The following NDUFA11 variants were observed in gnomAD, a reference collection of about 807,000 sequenced individuals.
The protein encoded by NDUFA11 is NADH:ubiquinone oxidoreductase subunit A11.
In NDUFA11, 14 loss-of-function variants were observed where a neutral mutation model predicts 11.3. The observed-to-expected ratio is 1.24, with a 90% CI of 0.82 to 1.94. The LOEUF (loss-of-function observed/expected upper bound fraction) is 1.94. Ranked by LOEUF, NDUFA11 falls within the 30% of genes most tolerant of loss-of-function variation. NDUFA11 has a pLI of 0.00. For missense variants in NDUFA11, 204 were observed against 200.3 expected, an observed-to-expected ratio of 1.02 and a Z score of -0.11; for synonymous variants, 87 against 85.6, an observed-to-expected ratio of 1.02 and a Z score of -0.09.
intron 1 of NDUFA11, chr19:5,901,604 G>C: frequency 2.4e-6 from 1 of 412,722 alleles, no homozygotes; most frequent in South Asian, 2.2e-5. Context: ...TGGAAATACA[G>C]AGTTGACCAA....
chr19:5,903,010 CAAAAAA>C (rs545310981), intron 1 of NDUFA11, among the ~76,000 whole-genome samples: 3 of 103,986 alleles, frequency 2.9e-5, no homozygotes, highest in Admixed American at 2.0e-4. Flanking sequence ...GGCTCTGTCT[CAAAAAA>C]AAAAAAAAAA....
At chr19:5,901,599 A>G (rs922088196) in intron 1 of NDUFA11, 5 of 454,516 alleles carry the variant, frequency 1.1e-5, no homozygotes, top group Non-Finnish European at 1.9e-5. Flanking sequence ...TATGCTGGAA[A>G]TACAGAGTTG....
chr19:5,897,560 C>T (rs1273122224), intron 1 of NDUFA11, among the ~76,000 whole-genome samples: 2 of 152,152 alleles, frequency 1.3e-5, no homozygotes, highest in East Asian at 3.9e-4. Flanking sequence ...TTGCCACTCT[C>T]GACCCCCTCC....
At chr19:5,898,300 G>A (rs2057623159) in intron 1 of NDUFA11, among the ~76,000 whole-genome samples, 1 of 152,166 alleles carries the variant, frequency 6.6e-6, no homozygotes. Context: ...GACATGCCAG[G>A]CCTGGCAGTG....
chr19:5,896,579 C>A lies in NDUFA11; in HGVS notation c.191-4G>T. On this transcript the variant is annotated splice_polypyrimidine_tract_variant and splice_region_variant and intron_variant, in intron 2 of 3. Coordinates refer to ENST00000308961, the MANE Select transcript of NDUFA11 (RefSeq NM_175614.5). The surrounding 1 kb of genome is among the most constrained non-coding windows in gnomAD (Gnocchi z 5.8). Reference sequence around the variant, plus strand: ...CCAAACACGGCCCCGACAGCAGCTGCGGGGTAGACGGGAAGAGCAAGGGCC... The same window carrying A: ...CCAAACACGGCCCCGACAGCAGCTGAGGGGTAGACGGGAAGAGCAAGGGCC... 1 of 1,562,082 alleles carries A rather than the reference C, an allele frequency of 6.4e-7. No homozygotes were observed. The highest frequency in any genetic ancestry group is 1.2e-5 in the South Asian group (1 of 84,852).
intron 1 of NDUFA11, chr19:5,902,618 C>G (rs2057652809): frequency 6.6e-6 from 1 of 152,374 alleles, no homozygotes; most frequent in Non-Finnish European, 1.5e-5. Context: ...CCATCTGGGA[C>G]CTGATGAGTC....
intron 1 of NDUFA11, among the ~76,000 whole-genome samples, 174 bp downstream of exon 1, chr19:5,903,437 CT>C (rs1328540759): frequency 1.3e-5 from 2 of 151,930 alleles, no homozygotes; most frequent in African/African-American, 2.4e-5. Context: ...GCTGGACCCC[CT>C]ACCAACATCC....
At chr19:5,893,524 C>T (rs1261508512), downstream of NDUFA11, among the ~76,000 whole-genome samples, 1 of 152,080 alleles carries the variant, frequency 6.6e-6, no homozygotes, top group East Asian at 1.9e-4. This position sits in a 1 kb window ranked among gnomAD's most constrained non-coding sequence, Gnocchi z 4.1. Context: ...TGGTTCCAAG[C>T]TCCTGGCCTC....
rs746966235 is a variant in NDUFA11, at chr19:5,897,043, G to A, written c.98-46C>T. 5.9e-6 allele frequency: 9 copies of A among 1,525,144 alleles called. No individual in the cohort carries two copies. The East Asian group carries it at 1.6e-4, about 27-fold the overall frequency. 94.5% of individuals were successfully genotyped at this position (1,525,144 alleles called of 1,614,324 possible). A position where few individuals can be genotyped will look rare whatever the true frequency, so the allele number is the denominator to read the frequency against. On this transcript the variant is annotated intron_variant, in intron 1 of 3. Coordinates refer to ENST00000308961, the MANE Select transcript of NDUFA11 (RefSeq NM_175614.5). Reference sequence around the variant, plus strand: ...GCTGTTCAGACCCCACTGCTGCTAAGCCCTTGCTTGGCCGGGCACCCCACT... The same window carrying A: ...GCTGTTCAGACCCCACTGCTGCTAAACCCTTGCTTGGCCGGGCACCCCACT...
At chr19:5,893,491 G>C (rs764406851), downstream of NDUFA11, among the ~76,000 whole-genome samples, 1 of 152,088 alleles carries the variant, frequency 6.6e-6, no homozygotes, top group Non-Finnish European at 1.5e-5. The surrounding 1 kb of genome is among the most constrained non-coding windows in gnomAD (Gnocchi z 4.1). Flanking sequence ...GGTAGAGACA[G>C]GGTCTCACTG....
chr19:5,897,166 CTGCTCCAA>C (rs2057615678), intron 1 of NDUFA11, among the ~76,000 whole-genome samples, 169 bp from the exon 2 acceptor site: 1 of 152,148 alleles, frequency 6.6e-6, no homozygotes, highest in African/African-American at 2.4e-5. Context: ...CTCGGGTTTG[CTGCTCCAA>C]AACTGGGGGG....
chr19:5,897,769 C>T (rs912523807), intron 1 of NDUFA11, among the ~76,000 whole-genome samples: 5 of 152,208 alleles, frequency 3.3e-5, no homozygotes, highest in Admixed American at 6.5e-5. Flanking sequence ...GTGGTGGGGA[C>T]GGAGGTTTGA....
At position 5,897,060 on chromosome 19, in the gene NDUFA11, C is replaced by G; in HGVS notation, c.98-63G>C. The stretch of plus-strand genomic sequence containing the variant: ...GCTGCTAAGCCCTTGCTTGGCCGGG[C>G]ACCCCACTGGGTGGTCTCCCTCCCT... On this transcript the variant is annotated intron_variant, in intron 1 of 3. Coordinates refer to ENST00000308961, the MANE Select transcript of NDUFA11 (RefSeq NM_175614.5). 6 of 1,366,400 alleles carry G rather than the reference C, an allele frequency of 4.4e-6. No homozygotes were observed. The South Asian group carries it at 7.0e-5, about 16-fold the overall frequency. 84.6% of individuals were successfully genotyped at this position (1,366,400 alleles called of 1,614,324 possible). A position where few individuals can be genotyped will look rare whatever the true frequency, so the allele number is the denominator to read the frequency against.
At chr19:5,892,650 C>T (rs1282456566), downstream of NDUFA11, 5 of 352,796 alleles carry the variant, frequency 1.4e-5, no homozygotes, top group East Asian at 1.3e-4. Flanking sequence ...GTGGTCACCG[C>T]GGGGCTGGGG....
chr19:5,896,742 C>A lies in NDUFA11; in HGVS notation c.190+163G>T. The A allele has an allele frequency of 4.1e-6, 5 of 1,206,538 alleles. No homozygotes were observed. The highest frequency in any genetic ancestry group is 6.0e-6 in the Non-Finnish European group (5 of 827,486). 74.7% of individuals were successfully genotyped at this position (1,206,538 alleles called of 1,614,324 possible). A position where few individuals can be genotyped will look rare whatever the true frequency, so the allele number is the denominator to read the frequency against. On this transcript the variant is annotated intron_variant, in intron 2 of 3. Transcript: ENST00000308961. The surrounding 1 kb of genome is among the most constrained non-coding windows in gnomAD (Gnocchi z 5.8). ...GGAGCTGTTCTCCTGGGCCTCCCCA[C>A]CCTACATGTATTCCTGATAAAGGAA... is the stretch of plus-strand genomic sequence containing the variant.
intron 1 of NDUFA11, 86 bp downstream of exon 1, chr19:5,903,526 A>G (rs1318347792): frequency 5.4e-6 from 7 of 1,308,060 alleles, no homozygotes; most frequent in Non-Finnish European, 7.4e-6. Flanking sequence ...AGACTCCCAG[A>G]CCCGTTCGAT....
intron 1 of NDUFA11, chr19:5,901,154 C>T (rs558660285): frequency 4.4e-5 from 20 of 457,854 alleles, no homozygotes; most frequent in African/African-American, 6.2e-5. Context: ...CACCACACCC[C>T]GAGACAAGCT....
downstream of NDUFA11, chr19:5,893,330 T>A (rs751022517): frequency 1.8e-5 from 15 of 852,590 alleles, no homozygotes; most frequent in Non-Finnish European, 2.6e-5. This position sits in a 1 kb window ranked among gnomAD's most constrained non-coding sequence, Gnocchi z 4.1. Flanking sequence ...CTGGCTGTAG[T>A]GGTGCACACC....
intron 1 of NDUFA11, among the ~76,000 whole-genome samples, chr19:5,900,954 G>T (rs2057641518): frequency 6.6e-6 from 1 of 151,700 alleles, no homozygotes; most frequent in African/African-American, 2.4e-5. Flanking sequence ...AAAATTTAGG[G>T]AGAATGAATG....
Sources: gnomAD v4.1 joint callset for allele counts (sites outside exome capture counted in the v4.1 genomes callset) on GRCh38, gnomAD v4.1.1 for gene constraint, Gnocchi (gnomAD v3.1) non-coding constraint, MANE v1.5 for transcripts, NCBI Gene and HGNC (gene_info 2026-07-23, HGNC 2026-07-21) for gene names.